The following DLG2 variants were observed in gnomAD, a reference collection of about 807,000 sequenced individuals.
DLG2 encodes disks large homolog 2.
In DLG2, 45 loss-of-function variants were observed where a neutral mutation model predicts 132.5. The observed-to-expected ratio is 0.34, with a 90% CI of 0.27 to 0.44. The LOEUF (loss-of-function observed/expected upper bound fraction) is 0.44, where lower values mean the gene tolerates loss of function less well. Among genes scored for constraint, DLG2 ranks in the 20% least tolerant of loss-of-function variants. The probability of loss-of-function intolerance (pLI) is 1.00; values close to 1 mark genes in which losing one functional copy is unlikely to be tolerated. For synonymous variants in DLG2, 424 were observed against 419.6 expected (o/e 1.01, Z -0.13); for missense variants, 1,045 against 1,196.9 (o/e 0.87, Z 1.87).
intron 5 of DLG2, among the ~76,000 whole-genome samples, chr11:85,118,331 C>T (rs2073915979): frequency 1.3e-5 from 2 of 152,034 alleles, no homozygotes; most frequent in South Asian, 4.1e-4. Flanking sequence ...CTGAGTCATC[C>T]TCAACACTTT....
rs11601768 is a variant in DLG2, at chr11:85,238,186, T to C, written c.186+47034A>G. ...CTGCTTTTCCTATTATCTTAACTTT[T>C]TTTTATTTTTTATTTTTATTTTATT... is the stretch of plus-strand genomic sequence containing the variant. On this transcript the variant is annotated intron_variant, in intron 4 of 27. Coordinates refer to ENST00000376104, the MANE Select transcript of DLG2 (RefSeq NM_001142699.3). Among the ~76,000 whole-genome samples the C allele has an allele frequency of 2.0e-5, 3 of 147,276 alleles. No homozygotes were observed. The Admixed American group carries it at 2.1e-4, about 10-fold the overall frequency.
intron 21 of DLG2, among the ~76,000 whole-genome samples, chr11:83,528,951 C>G (rs968799621): frequency 6.6e-6 from 1 of 152,114 alleles, no homozygotes; most frequent in African/African-American, 2.4e-5. Context: ...ATAAAGTGCT[C>G]TCTGGTTATT....
intron 7 of DLG2, among the ~76,000 whole-genome samples, chr11:84,263,382 T>C (rs920707637): frequency 6.6e-6 from 1 of 152,070 alleles, no homozygotes; most frequent in East Asian, 1.9e-4. Flanking sequence ...TAGAAATTGG[T>C]TTCTAATGAC....
intron 7 of DLG2, among the ~76,000 whole-genome samples, chr11:84,385,986 A>G (rs2154435890): frequency 6.6e-6 from 1 of 152,278 alleles, no homozygotes; most frequent in African/African-American, 2.4e-5. Context: ...TTAACTGTGG[A>G]GGAGACAAAT....
chr11:84,232,507 C>T (rs1598006334), intron 8 of DLG2, among the ~76,000 whole-genome samples: 2 of 152,180 alleles, frequency 1.3e-5, no homozygotes, highest in Admixed American at 6.5e-5. Flanking sequence ...TACTGAAATC[C>T]TAATTCCCAA....
intron 7 of DLG2, among the ~76,000 whole-genome samples, chr11:84,415,683 G>A (rs1167173744): frequency 1.3e-5 from 2 of 152,166 alleles, no homozygotes; most frequent in East Asian, 3.9e-4. Flanking sequence ...CAGACCCTCA[G>A]GCTTGACTCA....
intron 9 of DLG2, among the ~76,000 whole-genome samples, chr11:84,106,019 A>G (rs1243183275): frequency 8.5e-5 from 13 of 152,148 alleles, no homozygotes; most frequent in Admixed American, 2.6e-4. Flanking sequence ...CTGATCGAAA[A>G]TTACTAGGCT....
chr11:85,435,627 G>T (rs1391444644), intron 3 of DLG2, among the ~76,000 whole-genome samples: 4 of 152,078 alleles, frequency 2.6e-5, no homozygotes, highest in African/African-American at 9.7e-5. Context: ...CCTCTTCAAG[G>T]AAAACTACAA....
chr11:85,019,744 T>C lies in DLG2; in HGVS notation c.357+91917A>G, dbSNP rs573950464. Reference sequence around the variant, plus strand: ...TTTGGTTTTCTGTCTTTGTGACAGTTTGCAGAGAATGATGGTTTCCAGCTT... The same window carrying C: ...TTTGGTTTTCTGTCTTTGTGACAGTCTGCAGAGAATGATGGTTTCCAGCTT... On this transcript the variant is annotated intron_variant, in intron 6 of 27. Transcript: ENST00000376104. Among the ~76,000 whole-genome samples the C allele has an allele frequency of 6.4e-4, 97 of 152,282 alleles. 1 individual carries two copies. The highest frequency in any genetic ancestry group is 2.3e-3 in the African/African-American group (94 of 41,548).
intron 7 of DLG2, among the ~76,000 whole-genome samples, chr11:84,505,345 C>T (rs2099235985): frequency 1.3e-5 from 2 of 152,132 alleles, no homozygotes; most frequent in Admixed American, 1.3e-4. Context: ...TTATATGTAA[C>T]ATCTCATTTG....
At chr11:84,945,739 AG>A (rs890027759) in intron 6 of DLG2, among the ~76,000 whole-genome samples, 7 of 152,142 alleles carry the variant, frequency 4.6e-5, no homozygotes, top group African/African-American at 9.7e-5. Context: ...AGGAAACACA[AG>A]TGCTTCTTGG....
chr11:84,221,997 A>G (rs988028046), intron 8 of DLG2, among the ~76,000 whole-genome samples: 3 of 152,152 alleles, frequency 2.0e-5, no homozygotes, highest in Non-Finnish European at 4.4e-5. Context: ...ATTAAAATTA[A>G]CATAGCAATG....
intron 7 of DLG2, among the ~76,000 whole-genome samples, chr11:84,322,890 G>A (rs546905228): frequency 1.3e-5 from 2 of 152,190 alleles, no homozygotes; most frequent in East Asian, 1.9e-4. Context: ...ACGCCCAGCC[G>A]ATAATTTCAG....
At chr11:84,350,778 C>A (rs1370458110) in intron 7 of DLG2, among the ~76,000 whole-genome samples, 1 of 152,068 alleles carries the variant, frequency 6.6e-6, no homozygotes, top group African/African-American at 2.4e-5. Flanking sequence ...ACTTTTCATA[C>A]TTATTAAAAT....
rs979848698 is a variant in DLG2 at position 84,035,353 on chromosome 11, T to C, written c.919+23962A>G. Among the ~76,000 whole-genome samples, 5 of 152,194 alleles carry C rather than the reference T, an allele frequency of 3.3e-5. No individual in the cohort carries two copies. In the East Asian group the frequency reaches 7.7e-4, roughly 23 times the overall value. On this transcript the variant is annotated intron_variant, in intron 11 of 27. Transcript: ENST00000376104. ...TTCTACCCTCCTAGAGCTTATATTC[T>C]AGTGTACACAAATACATATATTTAT...
chr11:83,883,403 T>A (rs1224709221), intron 15 of DLG2, among the ~76,000 whole-genome samples: 1 of 152,216 alleles, frequency 6.6e-6, no homozygotes, highest in South Asian at 2.1e-4. Context: ...CCTTAATCCA[T>A]CATCCATACT....
At chr11:83,779,497 C>A (rs1332547652) in intron 18 of DLG2, among the ~76,000 whole-genome samples, 7 of 152,060 alleles carry the variant, frequency 4.6e-5, no homozygotes, top group African/African-American at 1.4e-4. Context: ...AATTTTTTGA[C>A]CCCTTTATGT....
intron 3 of DLG2, among the ~76,000 whole-genome samples, chr11:85,290,839 T>C (rs2078848229): frequency 6.6e-6 from 1 of 152,100 alleles, no homozygotes; most frequent in Non-Finnish European, 1.5e-5. Flanking sequence ...TTCATAATAA[T>C]GATTCTGACA....
chr11:84,773,291 C>T (rs1274759792), intron 6 of DLG2, among the ~76,000 whole-genome samples: 1 of 152,018 alleles, frequency 6.6e-6, no homozygotes, highest in Non-Finnish European at 1.5e-5. Context: ...GTAATACAAT[C>T]CTACCAACCA....
Sources: gnomAD v4.1 joint callset for allele counts (sites outside exome capture counted in the v4.1 genomes callset) on GRCh38, gnomAD v4.1.1 for gene constraint, MANE v1.5 for transcripts, NCBI Gene and HGNC (gene_info 2026-07-23, HGNC 2026-07-21) for gene names.